The following SKP2 variants were observed in gnomAD, a reference collection of about 807,000 sequenced individuals.
SKP2 encodes S-phase kinase-associated protein 2.
Under a neutral mutation model 51.8 loss-of-function variants are expected in SKP2, and 16 were observed. That is an observed-to-expected ratio of 0.31 (90% CI 0.21 to 0.47). The LOEUF (loss-of-function observed/expected upper bound fraction) is 0.47. SKP2 is among the 20% of genes least tolerant of loss of function. The pLI, the probability that SKP2 is intolerant of heterozygous loss-of-function variation, is 1.00. For missense variants in SKP2, 377 were observed against 505.3 expected (o/e 0.75, Z 2.43); for synonymous variants, 176 against 198.6 (o/e 0.89, Z 0.96).
At chr5:36,157,618 A>C (rs1744993480) in intron 2 of SKP2, among the ~76,000 whole-genome samples, 1 of 152,196 alleles carries the variant, frequency 6.6e-6, no homozygotes, top group Non-Finnish European at 1.5e-5. Context: ...ACTTAAAACA[A>C]GCCAGCAAAA....
At chr5:36,187,431 G>T (rs1444872092), downstream of SKP2, among the ~76,000 whole-genome samples, 1 of 151,900 alleles carries the variant, frequency 6.6e-6, no homozygotes, top group African/African-American at 2.4e-5. Context: ...CTGATATGTT[G>T]TGTCTTTGTT....
In SKP2 at chr5:36,182,983, AT is replaced by A. The variant is rs1396232698; in HGVS notation, c.*956del. On this transcript the variant is annotated 3_prime_UTR_variant, in exon 10 of 10. Coordinates refer to ENST00000274255, the MANE Select transcript of SKP2 (RefSeq NM_005983.4). ...CTTTTATATTACTCTGGAATCAAGT[AT>A]TTTAAATTGTATTTTTTTTTTAAAT... 1.1e-6 allele frequency: 1 copy of A among 935,562 alleles called. No homozygotes were observed. The highest frequency in any genetic ancestry group is 1.2e-6 in the Non-Finnish European group (1 of 803,054). The allele number at this position is 935,562 out of a possible 1,614,324, so 58.0% of individuals were successfully genotyped here.
rs780162866 is a variant in SKP2, at chr5:36,152,915, C to G, written c.153C>G (p.Ile51Met). The G allele has an allele frequency of 1.2e-6, 2 of 1,614,078 alleles. No individual in the cohort carries two copies. The highest frequency in any genetic ancestry group is 1.7e-6 in the Non-Finnish European group (2 of 1,180,014). The change falls in exon 2 of 10, where the codon ATC becomes ATG. Residue 51 changes from isoleucine (I) to methionine (M), a missense_variant. Ile to Met is a conservative substitution (Grantham distance 10). Around this residue, in one of 2 missense-constraint regions of SKP2, gnomAD observed 115 missense variants for 115.5 expected, o/e 1.00. Transcript: ENST00000274255. Reference sequence around the variant, plus strand: ...AAGAGGAGCCCGACAGTGAGAACATCCCCCAGGAACTGCTCTCAAACCTGG... The same window carrying G: ...AAGAGGAGCCCGACAGTGAGAACATGCCCCAGGAACTGCTCTCAAACCTGG... ...LEKEEPDSEN[I>M]PQELLSNLGH... is the part of the protein sequence containing the mutation.
At position 36,166,563 on chromosome 5, in the gene SKP2, A is replaced by G; in HGVS notation, c.437A>G (p.Asn146Ser). The change falls in exon 4 of 10, where the codon AAT becomes AGT. Residue 146 changes from asparagine (N) to serine (S), a missense_variant. Transcript: ENST00000274255. ...LWQTLDLTGK[N>S]LHPDVTGRLL... Reference sequence around the variant, plus strand: ...CAGACCTTAGACCTCACAGGTAAAAATCTGCACCCGGATGTGACTGGTCGG... The same window carrying G: ...CAGACCTTAGACCTCACAGGTAAAAGTCTGCACCCGGATGTGACTGGTCGG... 1 of 1,614,044 alleles carries G rather than the reference A, an allele frequency of 6.2e-7. No homozygotes were observed. Among genetic ancestry groups the G allele is most frequent in the South Asian group, 1.1e-5 (1 of 91,066 alleles).
chr5:36,175,609 T>G (rs1246987621), intron 7 of SKP2, among the ~76,000 whole-genome samples: 2 of 152,078 alleles, frequency 1.3e-5, no homozygotes, highest in Non-Finnish European at 2.9e-5. Context: ...TGTATTTCCT[T>G]GCAGCCTTTT....
Position 36,183,972 on chromosome 5 carries a change from ATGTG to A in SKP2, c.*1942_*1945del. The A allele has an allele frequency of 6.2e-7, 1 of 1,606,730 alleles. No homozygotes were observed. The highest frequency in any genetic ancestry group is 8.5e-7 in the Non-Finnish European group (1 of 1,176,610). ...ATGTCAGAGTAATCTGTATTTTTGT[ATGTG>A]ATTTCTACTTTTATAGACTTGTTTT... On this transcript the variant is annotated 3_prime_UTR_variant, in exon 10 of 10. Transcript: ENST00000274255.
At chr5:36,186,875 G>A (rs1267061328), downstream of SKP2, among the ~76,000 whole-genome samples, 1 of 152,134 alleles carries the variant, frequency 6.6e-6, no homozygotes, top group Non-Finnish European at 1.5e-5. Context: ...TCTGGTCCTC[G>A]ACTTTTTTTG....
In SKP2 at chr5:36,171,749, C is replaced by T. The variant is rs1343954189; in HGVS notation, c.901+16C>T. ...CAGAAATCAGGTTAGAGCTTCCAAG[C>T]CTGGACCACTGAGGCCTTCACAACA... On this transcript the variant is annotated intron_variant, in intron 7 of 9. Transcript: ENST00000274255. 2 of 1,612,798 alleles carry T rather than the reference C, an allele frequency of 1.2e-6. No homozygotes were observed. The highest frequency in any genetic ancestry group is 2.7e-5 in the African/African-American group (2 of 74,878).
intron 6 of SKP2, among the ~76,000 whole-genome samples, chr5:36,192,299 T>A (rs568635164): frequency 5.3e-5 from 8 of 152,204 alleles, no homozygotes; most frequent in Non-Finnish European, 8.8e-5. Flanking sequence ...GTACATTTAC[T>A]CTTATCTCCC....
chr5:36,183,421 C>A lies in SKP2; in HGVS notation c.*1390C>A, dbSNP rs1167737084. ...AGCTGGGACTACAGGCGCCCACCAC[C>A]ACGCCCGGCTAATTTTTTTGTATTT... On this transcript the variant is annotated 3_prime_UTR_variant, in exon 10 of 10. Transcript: ENST00000274255. The A allele has an allele frequency of 4.0e-6, 1 of 251,020 alleles. No homozygotes were observed. Among genetic ancestry groups the A allele is most frequent in the African/African-American group, 2.3e-5 (1 of 43,214 alleles). 15.5% of individuals were successfully genotyped at this position (251,020 alleles called of 1,614,324 possible).
chr5:36,191,066 C>T (rs1354353882), intron 6 of SKP2, among the ~76,000 whole-genome samples: 1 of 152,140 alleles, frequency 6.6e-6, no homozygotes, highest in Non-Finnish European at 1.5e-5. Flanking sequence ...ATTGAAGAAA[C>T]TATGTTATCT....
intron 6 of SKP2, among the ~76,000 whole-genome samples, chr5:36,190,549 G>A (rs1179351526): frequency 6.6e-6 from 1 of 152,014 alleles, no homozygotes; most frequent in Non-Finnish European, 1.5e-5. Flanking sequence ...ATGCCCAGAG[G>A]CCTTCCAGGA....
chr5:36,171,667 G>A lies in SKP2; in HGVS notation c.835G>A (p.Ala279Thr). 1 of 1,613,876 alleles carries A rather than the reference G, an allele frequency of 6.2e-7. No homozygotes were observed. Among genetic ancestry groups the A allele is most frequent in the East Asian group, 2.2e-5 (1 of 44,882 alleles). ...FTEKHVQVAV[A>T]HVSETITQLN... is the part of the protein sequence containing the mutation. ...TGAAAAGCATGTACAGGTGGCTGTTGCGCATGTGTCAGAGACCATCACCCA... is the reference window on the plus strand; with the variant it reads ...TGAAAAGCATGTACAGGTGGCTGTTACGCATGTGTCAGAGACCATCACCCA... The change falls in exon 7 of 10, where the codon GCG (alanine) becomes ACG (threonine). Residue 279 changes from alanine to threonine, a missense_variant. This residue lies in a region of SKP2 where 262 missense variants were observed against 389.8 expected (regional missense o/e 0.67). Transcript: ENST00000274255.
At position 36,165,890 on chromosome 5, in the gene SKP2, A is replaced by G. The variant is rs73751604; in HGVS notation, c.393-629A>G. ...CCCTTTTGTTTTAGAAACACCATCT[A>G]TAATCCGTTGTATTTTTCCCTTATT... is the stretch of plus-strand genomic sequence containing the variant. On this transcript the variant is annotated intron_variant, in intron 3 of 9. Coordinates refer to ENST00000274255, the MANE Select transcript of SKP2 (RefSeq NM_005983.4). 4.4e-3 allele frequency among the ~76,000 whole-genome samples: 665 copies of G among 152,306 alleles called. 7 individuals carry two copies. The highest frequency in any genetic ancestry group is 0.015 in the African/African-American group (635 of 41,564).
At chr5:36,168,818 G>T (rs927807768) in intron 5 of SKP2, among the ~76,000 whole-genome samples, 1 of 152,210 alleles carries the variant, frequency 6.6e-6, no homozygotes, top group African/African-American at 2.4e-5. Flanking sequence ...TCTCTTGCAA[G>T]AAGGTAAACT....
At chr5:36,192,119 T>C (rs1027696639) in intron 6 of SKP2, among the ~76,000 whole-genome samples, 4 of 152,162 alleles carry the variant, frequency 2.6e-5, no homozygotes, top group African/African-American at 9.7e-5. Flanking sequence ...TTAAAAAAAG[T>C]CTTAAAGCCC....
At chr5:36,185,267 G>A (rs1212505755), downstream of SKP2, among the ~76,000 whole-genome samples, 2 of 152,182 alleles carry the variant, frequency 1.3e-5, no homozygotes, top group Non-Finnish European at 2.9e-5. Flanking sequence ...AGTTTAATAA[G>A]ATCCCATTTG....
chr5:36,163,998 TATGGG>T (rs1745207861), intron 3 of SKP2, among the ~76,000 whole-genome samples: 1 of 152,154 alleles, frequency 6.6e-6, no homozygotes, highest in African/African-American at 2.4e-5. Flanking sequence ...AGCATGTGTT[TATGGG>T]ATGCTGACTG....
At position 36,152,246 on chromosome 5, in the gene SKP2, C is replaced by T; in HGVS notation, c.-17C>T. 1 of 1,613,838 alleles carries T rather than the reference C, an allele frequency of 6.2e-7. No homozygotes were observed. The highest frequency in any genetic ancestry group is 8.5e-7 in the Non-Finnish European group (1 of 1,179,728). Reference sequence around the variant, plus strand: ...CAGTTAATGCACGTATTTTAAACTCCCGGGCCTGCGGACGCTATGCACAGG... The same window carrying T: ...CAGTTAATGCACGTATTTTAAACTCTCGGGCCTGCGGACGCTATGCACAGG... On this transcript the variant is annotated 5_prime_UTR_variant, in exon 1 of 10. Transcript: ENST00000274255.
Sources: allele counts gnomAD v4.1 joint callset (sites outside exome capture counted in the v4.1 genomes callset), GRCh38; gene constraint gnomAD v4.1.1; regional missense constraint gnomAD v4.1.1; transcripts MANE v1.5; gene names NCBI Gene and HGNC (gene_info 2026-07-23, HGNC 2026-07-21).